CNTN4: variants seen among roughly 807,000 people sequenced by gnomAD.
CNTN4 encodes the protein contactin-4.
CNTN4 carries 77 observed loss-of-function variants against 122.5 expected under a neutral mutation model. That is an observed-to-expected ratio of 0.63 (90% CI 0.52 to 0.76). The LOEUF (loss-of-function observed/expected upper bound fraction) is 0.76, where lower values mean the gene tolerates loss of function less well. Among genes scored for constraint, CNTN4 ranks in the 30% least tolerant of loss-of-function variants. The pLI, the probability that CNTN4 is intolerant of heterozygous loss-of-function variation, is 0.00. For synonymous variants in CNTN4, 512 were observed against 447.0 expected, an observed-to-expected ratio of 1.15 and a Z score of -1.83; for missense variants, 1,256 against 1,259.1, an observed-to-expected ratio of 1.00 and a Z score of 0.04.
rs1553616852 is a variant in CNTN4 at position 2,708,727 on chromosome 3, T to TCACTCA, written c.56-27485_56-27484insTCACAC. ...GCACGCAGGCACGCGCACGCGCGCA[T>TCACTCA]CACACACACACACACACACACACAC... On this transcript the variant is annotated intron_variant, in intron 4 of 24. Coordinates refer to ENST00000418658, the MANE Select transcript of CNTN4 (RefSeq NM_175607.3). 4.2e-4 allele frequency among the ~76,000 whole-genome samples: 63 copies of TCACTCA among 151,008 alleles called. 1 individual carries two copies. Among genetic ancestry groups the TCACTCA allele is most frequent in the African/African-American group, 1.4e-3 (56 of 41,202 alleles).
chr3:2,296,800 AC>A (rs61521140), intron 2 of CNTN4, among the ~76,000 whole-genome samples: 40,667 of 143,758 alleles, frequency 0.28, 6,113 homozygotes, highest in East Asian at 0.54. Flanking sequence ...AAAAAAAAAA[AC>A]AACAAAAAAC....
At chr3:2,537,850 G>T (rs543152399) in intron 3 of CNTN4, among the ~76,000 whole-genome samples, 2 of 151,820 alleles carry the variant, frequency 1.3e-5, no homozygotes, top group Non-Finnish European at 2.9e-5. Flanking sequence ...AAAGTAATTG[G>T]GGGTACATCT....
At chr3:2,742,525 G>A (rs2089514182) in intron 5 of CNTN4, among the ~76,000 whole-genome samples, 1 of 152,008 alleles carries the variant, frequency 6.6e-6, no homozygotes, top group Admixed American at 6.6e-5. Flanking sequence ...GTGCCAAGTT[G>A]ACACCATCAA....
intron 2 of CNTN4, among the ~76,000 whole-genome samples, chr3:2,169,273 G>A (rs995277354): frequency 6.6e-6 from 1 of 152,076 alleles, no homozygotes; most frequent in Non-Finnish European, 1.5e-5. Context: ...GTATTCAGAG[G>A]TATATTAATA....
At chr3:2,221,574 T>C (rs1467379885) in intron 2 of CNTN4, among the ~76,000 whole-genome samples, 1 of 151,368 alleles carries the variant, frequency 6.6e-6, no homozygotes, top group Non-Finnish European at 1.5e-5. Context: ...AAAAAAAATT[T>C]CCTTCAAAGG....
At chr3:2,274,221 A>G (rs1349441612) in intron 2 of CNTN4, among the ~76,000 whole-genome samples, 2 of 152,106 alleles carry the variant, frequency 1.3e-5, no homozygotes, top group Non-Finnish European at 2.9e-5. Context: ...TGTCTCTACT[A>G]AAAATAAAAA....
chr3:2,503,395 A>G (rs1264427148), intron 3 of CNTN4, among the ~76,000 whole-genome samples: 2 of 152,188 alleles, frequency 1.3e-5, no homozygotes, highest in East Asian at 1.9e-4. Context: ...CGAAAATTTT[A>G]TAATAAATGG....
At chr3:3,004,155 TAAAA>T (rs113655726) in intron 14 of CNTN4, among the ~76,000 whole-genome samples, 1 of 147,370 alleles carries the variant, frequency 6.8e-6, no homozygotes, top group Non-Finnish European at 1.5e-5. Context: ...TTTGCACACT[TAAAA>T]AAAAAAAGAA....
chr3:2,218,803 A>G (rs920096506), intron 2 of CNTN4, among the ~76,000 whole-genome samples: 4 of 152,124 alleles, frequency 2.6e-5, no homozygotes, highest in Non-Finnish European at 5.9e-5. Context: ...AAGCCCTTCC[A>G]TTTTTCATCA....
chr3:2,985,934 A>T (rs1200610070), intron 13 of CNTN4, among the ~76,000 whole-genome samples: 15 of 135,422 alleles, frequency 1.1e-4, no homozygotes, highest in African/African-American at 3.9e-4. Context: ...TTTTTTTTCG[A>T]GACAGGGTCT....
intron 3 of CNTN4, among the ~76,000 whole-genome samples, chr3:2,477,734 A>G (rs1036393067): frequency 6.6e-6 from 1 of 152,204 alleles, no homozygotes; most frequent in South Asian, 2.1e-4. Context: ...TACCAATACC[A>G]AGATTGGTTT....
intron 3 of CNTN4, among the ~76,000 whole-genome samples, chr3:2,563,285 T>A (rs1457915356): frequency 1.3e-5 from 2 of 152,196 alleles, no homozygotes; most frequent in African/African-American, 4.8e-5. Flanking sequence ...AAAGAACGCA[T>A]GTCAGTGCAT....
intron 3 of CNTN4, among the ~76,000 whole-genome samples, chr3:2,553,194 A>G (rs2078585206): frequency 6.6e-6 from 1 of 152,136 alleles, no homozygotes. Context: ...GAGAAGAATC[A>G]TCCTCAGCCT....
At chr3:2,811,455 A>T (rs1188164813) in intron 6 of CNTN4, among the ~76,000 whole-genome samples, 2 of 129,304 alleles carry the variant, frequency 1.5e-5, no homozygotes, top group Non-Finnish European at 3.7e-5. Flanking sequence ...TTATTTTATT[A>T]TTTATTTATT....
At chr3:2,670,220 G>T (rs2084422544) in intron 4 of CNTN4, among the ~76,000 whole-genome samples, 2 of 152,128 alleles carry the variant, frequency 1.3e-5, no homozygotes, top group Non-Finnish European at 2.9e-5. Context: ...TTATTGTGTG[G>T]GAGTCTAAGT....
At chr3:2,629,402 T>C (rs1467484603) in intron 4 of CNTN4, 2 of 342,626 alleles carry the variant, frequency 5.8e-6, no homozygotes, top group African/African-American at 4.3e-5. Context: ...TAATGCAGCA[T>C]CTAATTTTAA....
rs535755915 is a variant in CNTN4 at position 2,523,567 on chromosome 3, G to A, written c.-88-47849G>A. ...CTTTTCTGAAAGATTTATGCCTCAA[G>A]TCTGGATTTGAGCTGAAGGGACATG... On this transcript the variant is annotated intron_variant, in intron 3 of 24. Transcript: ENST00000418658. 1.2e-3 allele frequency among the ~76,000 whole-genome samples: 180 copies of A among 152,104 alleles called. 1 individual carries two copies. The highest frequency in any genetic ancestry group is 1.7e-3 in the Non-Finnish European group (113 of 67,966).
At chr3:2,640,339 A>G (rs1350052017) in intron 4 of CNTN4, among the ~76,000 whole-genome samples, 1 of 152,214 alleles carries the variant, frequency 6.6e-6, no homozygotes, top group Non-Finnish European at 1.5e-5. Flanking sequence ...TTCTTTATTC[A>G]GAGATTTTGT....
At chr3:2,310,120 A>G (rs1160227476) in intron 2 of CNTN4, among the ~76,000 whole-genome samples, 1 of 151,920 alleles carries the variant, frequency 6.6e-6, no homozygotes, top group Non-Finnish European at 1.5e-5. Flanking sequence ...TTGGTACCAG[A>G]TGGATGGATG....
Sources: gnomAD v4.1 joint callset for allele counts (sites outside exome capture counted in the v4.1 genomes callset) on GRCh38, gnomAD v4.1.1 for gene constraint, MANE v1.5 for transcripts, NCBI Gene and HGNC (gene_info 2026-07-23, HGNC 2026-07-21) for gene names.